Variants in CENPC observed in about 807,000 individuals in gnomAD.
CENPC encodes the protein CENP-C 1.
In CENPC, 63 loss-of-function variants were observed where a neutral mutation model predicts 112.1. That is an observed-to-expected ratio of 0.56 (90% CI 0.46 to 0.69). The LOEUF (loss-of-function observed/expected upper bound fraction) is 0.69, where lower values mean the gene tolerates loss of function less well. Among genes scored for constraint, CENPC ranks in the 30% least tolerant of loss-of-function variants. The pLI is 0.00. For synonymous variants in CENPC, 333 were observed against 367.6 expected (o/e 0.91, Z 1.08); for missense variants, 1,000 against 1,103.8 (o/e 0.91, Z 1.33).
intron 17 of CENPC, among the ~76,000 whole-genome samples, chr4:67,476,942 T>G (rs1294521775): frequency 6.6e-6 from 1 of 152,132 alleles, no homozygotes; most frequent in Non-Finnish European, 1.5e-5. Flanking sequence ...GAGACAGCCA[T>G]AATCCCCTTG....
At chr4:67,539,783 T>C in intron 4 of CENPC, 57 bp downstream of exon 4, 1 of 885,360 alleles carries the variant, frequency 1.1e-6, no homozygotes, top group Non-Finnish European at 1.7e-6. Context: ...GAGTATATTG[T>C]GTATACCTTC....
intron 2 of CENPC, among the ~76,000 whole-genome samples, chr4:67,543,413 A>T (rs1020302516): frequency 6.6e-6 from 1 of 152,152 alleles, no homozygotes; most frequent in Non-Finnish European, 1.5e-5. Flanking sequence ...TATCAACAAC[A>T]CACAAATCCC....
intron 7 of CENPC, among the ~76,000 whole-genome samples, chr4:67,516,667 A>G (rs11934586): frequency 0.63 from 95,292 of 151,820 alleles, 30,364 homozygotes; most frequent in East Asian, 0.81. Flanking sequence ...AAGTCAATAC[A>G]AATACTACAA....
rs117429927 is a variant in CENPC, at chr4:67,474,462, G to A, written c.2761+426C>T. ...CTCACACCTGTAATCATAGCACTTT[G>A]GAGGCCAAGGTGGGCAGATCACTTG... On this transcript the variant is annotated intron_variant, in intron 18 of 18. Coordinates refer to ENST00000273853, the MANE Select transcript of CENPC (RefSeq NM_001812.4). 7.1e-4 allele frequency among the ~76,000 whole-genome samples: 108 copies of A among 152,174 alleles called. 1 individual carries two copies. The East Asian group carries it at 0.019, about 27-fold the overall frequency.
intron 4 of CENPC, among the ~76,000 whole-genome samples, chr4:67,536,356 A>G (rs1726718637): frequency 6.6e-6 from 1 of 152,240 alleles, no homozygotes; most frequent in Non-Finnish European, 1.5e-5. Flanking sequence ...TGTTTTACAA[A>G]TGATCCAAAT....
At chr4:67,497,010 C>T (rs1203970230) in intron 12 of CENPC, among the ~76,000 whole-genome samples, 1 of 151,296 alleles carries the variant, frequency 6.6e-6, no homozygotes, top group Non-Finnish European at 1.5e-5. Context: ...CAGAGTGATA[C>T]AAGGAACCAA....
At chr4:67,493,835 A>G in intron 14 of CENPC, 49 bp downstream of exon 14, 2 of 1,262,870 alleles carry the variant, frequency 1.6e-6, no homozygotes, top group Non-Finnish European at 2.3e-6. Flanking sequence ...TCTGGCACAT[A>G]GTAAACAAAT....
chr4:67,503,398 C>T (rs577135856), intron 12 of CENPC, among the ~76,000 whole-genome samples: 1 of 152,210 alleles, frequency 6.6e-6, no homozygotes, highest in East Asian at 1.9e-4. Flanking sequence ...CTTCTCTGCC[C>T]ATCTACCTAA....
At chr4:67,503,499 T>G (rs1725649151) in intron 12 of CENPC, among the ~76,000 whole-genome samples, 1 of 152,150 alleles carries the variant, frequency 6.6e-6, no homozygotes, top group Non-Finnish European at 1.5e-5. Context: ...TCTTTTTATA[T>G]TGTCTGCCAT....
At chr4:67,532,101 C>T (rs935717275) in intron 4 of CENPC, among the ~76,000 whole-genome samples, 66 of 152,192 alleles carry the variant, frequency 4.3e-4, no homozygotes, top group Admixed American at 3.5e-3. Context: ...TGAACAGACA[C>T]TTCTCAAAAG....
rs1727006970 is a variant in CENPC, at chr4:67,545,429, C to T, written c.-74G>A. ...CGGACCACAGCTCCAGGAAGCCGAG[C>T]AAGAAACGAATCGCCGGAATACCAG... On this transcript the variant is annotated 5_prime_UTR_variant, in exon 1 of 19. Coordinates refer to ENST00000273853, the MANE Select transcript of CENPC (RefSeq NM_001812.4). 1 of 1,414,470 alleles carries T rather than the reference C, an allele frequency of 7.1e-7. No individual in the cohort carries two copies. Among genetic ancestry groups the T allele is most frequent in the Admixed American group, 2.7e-5 (1 of 36,700 alleles). The allele number at this position is 1,414,470 out of a possible 1,614,324, so 87.6% of individuals were successfully genotyped here.
At chr4:67,530,759 G>A (rs779936348) in intron 5 of CENPC, 56 bp downstream of exon 5, 67 of 841,590 alleles carry the variant, frequency 8.0e-5, no homozygotes, top group Non-Finnish European at 4.0e-5. Flanking sequence ...CACCATTAGC[G>A]TTTCTCATTT....
rs1220802218 is a variant in CENPC, at chr4:67,514,141, G to A, written c.1377C>T (p.Asp459=). 1 of 1,610,302 alleles carries A rather than the reference G, an allele frequency of 6.2e-7. No homozygotes were observed. Among genetic ancestry groups the A allele is most frequent in the Admixed American group, 1.7e-5 (1 of 59,664 alleles). Residue 459 remains aspartate, a synonymous_variant, in exon 8 of 19, where the codon GAC becomes GAT. Coordinates refer to ENST00000273853, the MANE Select transcript of CENPC (RefSeq NM_001812.4). The part of the protein sequence containing the change: ...ITQDEFQRNS[D]RNMEEHEEMG... ...TCTCTTCATGCTCTTCCATATTTCT[G>A]TCTGAATTTCTTTGAAATTCGTCTT...
intron 7 of CENPC, among the ~76,000 whole-genome samples, chr4:67,516,918 T>C (rs17625042): frequency 0.21 from 32,327 of 151,944 alleles, 4,246 homozygotes; most frequent in Middle Eastern, 0.37. Context: ...TGAATAGTTA[T>C]ATTTGACTAC....
In CENPC at chr4:67,469,847, T is replaced by C. The variant is rs897953970; in HGVS notation, c.*2758A>G. 3 of 152,110 alleles carry C rather than the reference T, an allele frequency of 2.0e-5. No homozygotes were observed. Among genetic ancestry groups the C allele is most frequent in the East Asian group, 1.9e-4 (1 of 5,186 alleles). 9.4% of individuals were successfully genotyped at this position (152,110 alleles called of 1,614,324 possible). A position where few individuals can be genotyped will look rare whatever the true frequency, so the allele number is the denominator to read the frequency against. ...ACAGAAAGATCACAATTTAGGGCTG[T>C]TGAGAAAACTGAATTGTGATGCAGG... is the stretch of plus-strand genomic sequence containing the variant. On this transcript the variant is annotated 3_prime_UTR_variant, in exon 19 of 19. Transcript: ENST00000273853.
At chr4:67,485,121 T>A (rs1725060841) in intron 17 of CENPC, among the ~76,000 whole-genome samples, 1 of 151,990 alleles carries the variant, frequency 6.6e-6, no homozygotes, top group Admixed American at 6.6e-5. Flanking sequence ...ACTAAAAAAA[T>A]ACCTAGGCTT....
chr4:67,531,282 GA>G (rs900810982), intron 4 of CENPC, among the ~76,000 whole-genome samples: 9 of 151,574 alleles, frequency 5.9e-5, no homozygotes, highest in Admixed American at 1.3e-4. Context: ...ATTTTAACCA[GA>G]AAAAAAAGCA....
At position 67,529,281 on chromosome 4, in the gene CENPC, G is replaced by T. The variant is rs527864968; in HGVS notation, c.331+1534C>A. 3.1e-4 allele frequency among the ~76,000 whole-genome samples: 47 copies of T among 152,130 alleles called. 1 individual carries two copies. The highest frequency in any genetic ancestry group is 1.1e-3 in the African/African-American group (45 of 41,500). Reference sequence around the variant, plus strand: ...ATTTGCAAATATTTTCGCCTAGTCTGGTTGCCCTTTCACACTCTTGACAGT... The same window carrying T: ...ATTTGCAAATATTTTCGCCTAGTCTTGTTGCCCTTTCACACTCTTGACAGT... On this transcript the variant is annotated intron_variant, in intron 5 of 18. Coordinates refer to ENST00000273853, the MANE Select transcript of CENPC (RefSeq NM_001812.4).
At chr4:67,524,356 G>A (rs1726313300) in intron 5 of CENPC, among the ~76,000 whole-genome samples, 1 of 105,650 alleles carries the variant, frequency 9.5e-6, no homozygotes, top group African/African-American at 3.6e-5. Context: ...GAAATAAAGT[G>A]TATTCAAACA....
Sources: allele counts gnomAD v4.1 joint callset (sites outside exome capture counted in the v4.1 genomes callset), GRCh38; gene constraint gnomAD v4.1.1; transcripts MANE v1.5; gene names NCBI Gene and HGNC (gene_info 2026-07-23, HGNC 2026-07-21).